Variants in MAP3K9 observed in about 807,000 individuals in gnomAD.
MAP3K9 encodes mixed lineage kinase 1 (tyr and ser/thr specificity).
MAP3K9 carries 46 observed loss-of-function variants against 95.8 expected under a neutral mutation model. The ratio of observed to expected loss-of-function variants is 0.48; its 90% CI spans 0.38 to 0.61. The LOEUF (loss-of-function observed/expected upper bound fraction) is 0.61, where lower values mean the gene tolerates loss of function less well. Among genes scored for constraint, MAP3K9 ranks in the 20% least tolerant of loss-of-function variants. The pLI is 0.00. For missense variants in MAP3K9, 1,296 were observed against 1,474.3 expected, an observed-to-expected ratio of 0.88 and a Z score of 1.98; for synonymous variants, 533 against 593.8, an observed-to-expected ratio of 0.90 and a Z score of 1.49.
intron 2 of MAP3K9, among the ~76,000 whole-genome samples, chr14:70,781,915 C>A (rs1367157533): frequency 1.3e-5 from 2 of 152,206 alleles, no homozygotes; most frequent in Non-Finnish European, 2.9e-5. Context: ...AGTCAACATT[C>A]CAGGTCTGGG....
At chr14:70,783,896 T>C (rs1428558659) in intron 2 of MAP3K9, among the ~76,000 whole-genome samples, 2 of 152,192 alleles carry the variant, frequency 1.3e-5, no homozygotes, top group Non-Finnish European at 2.9e-5. Flanking sequence ...TTTTTGAATG[T>C]TTATATTACT....
In MAP3K9 at chr14:70,730,580, TG is replaced by T. The variant is rs1378818017; in HGVS notation, c.3114del (p.Ser1038ArgfsTer6). ...GGCCGCTCCTCTACAGTGCTGCTAC[TG>T]CTAGCAAAGCAGGAGTCCAGGTTGC... ...TPSNLDSCFA[S>X]SSSTVEERPG... is the part of the protein sequence containing the mutation. On this transcript the variant is annotated frameshift_variant, in exon 12 of 12. Transcript: ENST00000554752. LOFTEE classifies it high-confidence loss of function. 6.2e-7 allele frequency: 1 copy of T among 1,613,970 alleles called. No homozygotes were observed. Among genetic ancestry groups the T allele is most frequent in the Non-Finnish European group, 8.5e-7 (1 of 1,180,052 alleles).
intron 5 of MAP3K9, among the ~76,000 whole-genome samples, chr14:70,746,816 ACT>A (rs1370708269): frequency 2.0e-5 from 3 of 152,188 alleles, no homozygotes; most frequent in African/African-American, 7.2e-5. Context: ...CATTTTTCTT[ACT>A]GGCTGGTACC....
At chr14:70,778,079 TTTG>T (rs980971524) in intron 2 of MAP3K9, among the ~76,000 whole-genome samples, 6 of 142,742 alleles carry the variant, frequency 4.2e-5, no homozygotes, top group African/African-American at 1.5e-4. Context: ...CCTTTTGTTT[TTTG>T]TTGTTTGTTG....
At chr14:70,788,468 T>C (rs1426666468) in intron 2 of MAP3K9, among the ~76,000 whole-genome samples, 17 of 152,232 alleles carry the variant, frequency 1.1e-4, no homozygotes, top group Admixed American at 5.9e-4. Context: ...ATTCCCGCTT[T>C]ACATCTGCAA....
At chr14:70,737,920 C>T (rs1217784762) in intron 8 of MAP3K9, among the ~76,000 whole-genome samples, 1 of 152,152 alleles carries the variant, frequency 6.6e-6, no homozygotes, top group Non-Finnish European at 1.5e-5. Flanking sequence ...TGGAACATAG[C>T]CACACTCGCT....
intron 1 of MAP3K9, among the ~76,000 whole-genome samples, chr14:70,806,867 T>C (rs1469733089): frequency 6.6e-6 from 1 of 152,248 alleles, no homozygotes; most frequent in Non-Finnish European, 1.5e-5. Context: ...CACTGTTTTC[T>C]AACATGCCAG....
chr14:70,808,439 C>CGG (rs34783118), intron 1 of MAP3K9, among the ~76,000 whole-genome samples: 3,824 of 83,798 alleles, frequency 0.046, 91 homozygotes, highest in Non-Finnish European at 0.063. Context: ...TGGGGGGCGG[C>CGG]GGGGGGGTGG....
At chr14:70,771,318 T>C (rs879370997) in intron 2 of MAP3K9, among the ~76,000 whole-genome samples, 1 of 152,162 alleles carries the variant, frequency 6.6e-6, no homozygotes. Flanking sequence ...GAAACTAGCA[T>C]ATCCTACAAA....
At chr14:70,781,549 A>G (rs531784250) in intron 2 of MAP3K9, among the ~76,000 whole-genome samples, 6 of 152,362 alleles carry the variant, frequency 3.9e-5, no homozygotes, top group African/African-American at 1.4e-4. Flanking sequence ...TAATGGAAAC[A>G]GTAGGTGATA....
chr14:70,732,952 C>T lies in MAP3K9; in HGVS notation c.2417G>A (p.Arg806Gln), dbSNP rs1237537995. The part of the protein sequence containing the change: ...GLFQRSSRPR[R>Q]STSPPSRKLF... ...CTTTCGGGATGGGGGGCTGGTGCTC[C>T]GACGAGGACGGCTGGACCTCTGAAA... is the stretch of plus-strand genomic sequence containing the variant. Residue 806 changes from arginine to glutamine, a missense_variant, in exon 11 of 12, where the codon CGG becomes CAG. By Grantham distance (43) the Arg-to-Gln change is conservative (BLOSUM62 1). Around this residue, in one of 5 missense-constraint regions of MAP3K9, gnomAD observed 433 missense variants for 441.4 expected, o/e 0.98. Transcript: ENST00000554752. 8.1e-6 allele frequency: 13 copies of T among 1,614,050 alleles called. No individual in the cohort carries two copies. The highest frequency in any genetic ancestry group is 9.3e-6 in the Non-Finnish European group (11 of 1,179,988).
chr14:70,765,979 G>A (rs575676743), intron 2 of MAP3K9, among the ~76,000 whole-genome samples: 2 of 152,008 alleles, frequency 1.3e-5, no homozygotes, highest in South Asian at 4.2e-4. Flanking sequence ...ATGGGGGCCT[G>A]GCCAGGCAGT....
chr14:70,746,888 A>C (rs1363265705), intron 5 of MAP3K9, among the ~76,000 whole-genome samples: 1 of 152,186 alleles, frequency 6.6e-6, no homozygotes, highest in Non-Finnish European at 1.5e-5. Flanking sequence ...GCAATCAAAA[A>C]AACAAAAGGC....
intron 6 of MAP3K9, 28 bp downstream of exon 6, chr14:70,742,323 A>G (rs1594771348): frequency 1.2e-6 from 2 of 1,606,964 alleles, no homozygotes; most frequent in Non-Finnish European, 1.7e-6. Context: ...CCCTGCTCCC[A>G]CTTCCCAGCC....
chr14:70,736,079 C>T, intron 8 of MAP3K9, 50 bp from the exon 9 acceptor site: 1 of 1,259,734 alleles, frequency 7.9e-7, no homozygotes, highest in East Asian at 2.3e-5. Context: ...GCACATCCAG[C>T]TCAGCCTCTC....
At chr14:70,776,218 T>C (rs1221402269) in intron 2 of MAP3K9, among the ~76,000 whole-genome samples, 1 of 151,954 alleles carries the variant, frequency 6.6e-6, no homozygotes, top group Non-Finnish European at 1.5e-5. Flanking sequence ...AATAAATATT[T>C]GGGAAGCTCA....
intron 2 of MAP3K9, among the ~76,000 whole-genome samples, chr14:70,795,579 T>C (rs1310096628): frequency 2.0e-5 from 3 of 152,172 alleles, no homozygotes; most frequent in African/African-American, 7.2e-5. Context: ...CCCAAAGTGC[T>C]GGGATTACAG....
chr14:70,788,154 T>G (rs188981009), intron 2 of MAP3K9, among the ~76,000 whole-genome samples: 3 of 152,256 alleles, frequency 2.0e-5, no homozygotes, highest in African/African-American at 7.2e-5. Context: ...TATTTCAATT[T>G]TGTCCTATTT....
chr14:70,754,804 G>A (rs968941598), intron 3 of MAP3K9, among the ~76,000 whole-genome samples: 28 of 152,228 alleles, frequency 1.8e-4, no homozygotes, highest in Admixed American at 1.4e-3. Flanking sequence ...AAATGATTAA[G>A]ACAATGCCTC....
Sources: gnomAD v4.1 joint callset for allele counts (sites outside exome capture counted in the v4.1 genomes callset) on GRCh38, gnomAD v4.1.1 for gene constraint, gnomAD v4.1.1 regional missense constraint, MANE v1.5 for transcripts, NCBI Gene and HGNC (gene_info 2026-07-23, HGNC 2026-07-21) for gene names.